ZFHX3: variants seen among roughly 807,000 people sequenced by gnomAD.
ZFHX3 encodes the protein zinc finger homeobox 3, also known as zinc finger homeobox protein 3.
Under a neutral mutation model 279.1 loss-of-function variants are expected in ZFHX3, and 42 were observed. The ratio of observed to expected loss-of-function variants is 0.15; its 90% CI spans 0.12 to 0.19. The LOEUF (loss-of-function observed/expected upper bound fraction) is 0.19, where lower values mean the gene tolerates loss of function less well. Among genes scored for constraint, ZFHX3 ranks in the 10% least tolerant of loss-of-function variants. The probability of loss-of-function intolerance (pLI) is 1.00; values close to 1 mark genes in which losing one functional copy is unlikely to be tolerated. For missense variants in ZFHX3, 4,981 were observed against 4,754.0 expected, an observed-to-expected ratio of 1.05 and a Z score of -1.40; for synonymous variants, 2,293 against 1,957.8, an observed-to-expected ratio of 1.17 and a Z score of -4.52.
chr16:72,799,807 G>T (rs1021889004), intron 8 of ZFHX3, among the ~76,000 whole-genome samples: 1 of 152,120 alleles, frequency 6.6e-6, no homozygotes, highest in Non-Finnish European at 1.5e-5. Context: ...AATTCCACTG[G>T]TTCTCATACT....
intron 4 of ZFHX3, among the ~76,000 whole-genome samples, chr16:72,889,046 C>T (rs1011132882): frequency 4.2e-5 from 6 of 142,122 alleles, no homozygotes; most frequent in African/African-American, 1.0e-4. Context: ...CTATGGAAGG[C>T]GGAGTCATGG....
intron 7 of ZFHX3, among the ~76,000 whole-genome samples, chr16:73,112,033 T>C (rs924148475): frequency 5.3e-5 from 8 of 152,086 alleles, no homozygotes; most frequent in Middle Eastern, 3.4e-3. Context: ...AATCTTACAC[T>C]GGTGGGTCTA....
intron 1 of ZFHX3, among the ~76,000 whole-genome samples, chr16:73,863,931 C>T (rs907248691): frequency 5.3e-5 from 8 of 152,170 alleles, no homozygotes; most frequent in African/African-American, 1.9e-4. Context: ...AATGATCACG[C>T]TCTTTTCTCC....
chr16:73,210,011 T>C (rs1467459498), intron 5 of ZFHX3, among the ~76,000 whole-genome samples: 2 of 152,116 alleles, frequency 1.3e-5, no homozygotes, highest in Admixed American at 6.5e-5. Context: ...GTAAATAACT[T>C]TGGGGGTTCA....
intron 2 of ZFHX3, among the ~76,000 whole-genome samples, chr16:73,652,886 C>A (rs377289801): frequency 2.0e-3 from 300 of 151,908 alleles, no homozygotes; most frequent in African/African-American, 7.0e-3. Context: ...TTGCATTAAA[C>A]ACAAAAGTAA....
At chr16:72,806,748 C>T (rs1200373995) in intron 7 of ZFHX3, among the ~76,000 whole-genome samples, 4 of 151,894 alleles carry the variant, frequency 2.6e-5, no homozygotes, top group African/African-American at 9.7e-5. Flanking sequence ...AAAGAGATAC[C>T]GAGAAAAGTG....
chr16:73,283,967 T>A lies in ZFHX3; in HGVS notation c.-1193-26831A>T, dbSNP rs191348957. On this transcript the variant is annotated intron_variant, in intron 4 of 17. Transcript: ENST00000641206. ...CTGTCTCAAAAAAGCCCTCTTATTT[T>A]AAAAAACAGTTTTTATTCACTGCAG... 6.2e-4 allele frequency among the ~76,000 whole-genome samples: 93 copies of A among 149,592 alleles called. 2 individuals are homozygous for A. The highest frequency in any genetic ancestry group is 2.2e-3 in the African/African-American group (88 of 40,652).
At chr16:73,071,034 C>T (rs1965821036) in intron 8 of ZFHX3, among the ~76,000 whole-genome samples, 1 of 142,590 alleles carries the variant, frequency 7.0e-6, no homozygotes, top group Non-Finnish European at 1.5e-5. Context: ...CCCCGCCCCC[C>T]GCTTTTCAGT....
chr16:73,682,501 G>A (rs1034057250), intron 1 of ZFHX3, among the ~76,000 whole-genome samples: 1 of 151,868 alleles, frequency 6.6e-6, no homozygotes, highest in African/African-American at 2.4e-5. Flanking sequence ...TAAAAGAAAG[G>A]TAGGCCGGGT....
chr16:73,115,203 T>C (rs970895018), intron 7 of ZFHX3, among the ~76,000 whole-genome samples: 2 of 151,774 alleles, frequency 1.3e-5, no homozygotes, highest in Non-Finnish European at 2.9e-5. Context: ...CGGGAGACCA[T>C]TAAGTCCGAC....
intron 1 of ZFHX3, among the ~76,000 whole-genome samples, chr16:73,813,415 G>A (rs1893916034): frequency 6.6e-6 from 1 of 151,746 alleles, no homozygotes; most frequent in Non-Finnish European, 1.5e-5. Context: ...TTTGTCTCTT[G>A]ATCAGGGAAT....
chr16:73,469,139 G>A (rs1427144254), intron 2 of ZFHX3, among the ~76,000 whole-genome samples: 4 of 152,274 alleles, frequency 2.6e-5, no homozygotes, highest in Non-Finnish European at 4.4e-5. Context: ...CCACCACCCA[G>A]CCCCTCGACC....
At chr16:73,642,029 A>T (rs1222836210) in intron 2 of ZFHX3, among the ~76,000 whole-genome samples, 1 of 151,950 alleles carries the variant, frequency 6.6e-6, no homozygotes, top group Non-Finnish European at 1.5e-5. Context: ...AGGCAGTGTG[A>T]GGGACGCTTC....
At chr16:73,412,356 G>A (rs1005177861) in intron 3 of ZFHX3, among the ~76,000 whole-genome samples, 1 of 149,024 alleles carries the variant, frequency 6.7e-6, no homozygotes, top group African/African-American at 2.5e-5. Flanking sequence ...AAAAGTAAAT[G>A]TCAGAGAATG....
At chr16:73,367,364 A>T (rs556322484) in intron 3 of ZFHX3, among the ~76,000 whole-genome samples, 1 of 152,358 alleles carries the variant, frequency 6.6e-6, no homozygotes, top group African/African-American at 2.4e-5. Flanking sequence ...TGGAGCAGGA[A>T]GAACAGTGTG....
intron 7 of ZFHX3, among the ~76,000 whole-genome samples, chr16:72,804,668 C>T (rs1190177843): frequency 1.3e-5 from 2 of 152,134 alleles, no homozygotes; most frequent in Non-Finnish European, 2.9e-5. Flanking sequence ...CCTTATACAG[C>T]CCGTGTCTGA....
intron 5 of ZFHX3, chr16:73,256,989 T>A (rs2013678298): frequency 6.6e-6 from 1 of 152,066 alleles, no homozygotes; most frequent in Non-Finnish European, 1.5e-5. Flanking sequence ...TGGTGAGAAC[T>A]TCAGTGTTGC....
intron 5 of ZFHX3, among the ~76,000 whole-genome samples, chr16:73,252,055 G>C (rs2013525754): frequency 6.6e-6 from 1 of 152,064 alleles, no homozygotes; most frequent in Non-Finnish European, 1.5e-5. Context: ...GGGAGCTTGG[G>C]GAATTAGCCA....
chr16:73,788,554 G>T (rs58506607), intron 1 of ZFHX3, among the ~76,000 whole-genome samples: 2,236 of 152,172 alleles, frequency 0.015, 63 homozygotes, highest in African/African-American at 0.05. Context: ...TGCCCATTAG[G>T]TCGTAAGTTC....
Sources: allele counts gnomAD v4.1 joint callset (sites outside exome capture counted in the v4.1 genomes callset), GRCh38; gene constraint gnomAD v4.1.1; transcripts MANE v1.5; gene names NCBI Gene and HGNC (gene_info 2026-07-23, HGNC 2026-07-21).